SUCLA2: variants seen among roughly 807,000 people sequenced by gnomAD.
The protein encoded by SUCLA2 is succinate--CoA ligase [ADP-forming] subunit beta, mitochondrial.
Under a neutral mutation model 54.8 loss-of-function variants are expected in SUCLA2, and 30 were observed. That is an observed-to-expected ratio of 0.55 (90% CI 0.41 to 0.74). SUCLA2 has a LOEUF of 0.74. Ranked by LOEUF, SUCLA2 falls within the 30% of genes least tolerant of loss-of-function variation. The probability of loss-of-function intolerance (pLI) is 0.00; values close to 1 mark genes in which losing one functional copy is unlikely to be tolerated. For synonymous variants in SUCLA2, 172 were observed against 188.9 expected, an observed-to-expected ratio of 0.91 and a Z score of 0.74; for missense variants, 476 against 562.9, an observed-to-expected ratio of 0.85 and a Z score of 1.56.
In SUCLA2 at chr13:47,965,765, T is replaced by C. The variant is rs566861151; in HGVS notation, c.802+2830A>G. 5.3e-5 allele frequency: 21 copies of C among 393,518 alleles called. No individual in the cohort carries two copies. The South Asian group carries it at 2.5e-3, about 47-fold the overall frequency. 24.4% of individuals were successfully genotyped at this position (393,518 alleles called of 1,614,324 possible). ...TTTTAATAAATGTAGTCAGGTTATA[T>C]AAGAGAACGTTCTTGGCTTGCGCCT... On this transcript the variant is annotated intron_variant, in intron 6 of 10. Coordinates refer to ENST00000646932, the MANE Select transcript of SUCLA2 (RefSeq NM_003850.3).
intron 6 of SUCLA2, among the ~76,000 whole-genome samples, chr13:47,956,441 GA>G (rs1949822121): frequency 6.6e-6 from 1 of 152,056 alleles, no homozygotes; most frequent in Non-Finnish European, 1.5e-5. Context: ...GAAACTGGAA[GA>G]AAAGGAGAAT....
At chr13:47,957,915 G>T (rs1301916815) in intron 6 of SUCLA2, among the ~76,000 whole-genome samples, 1 of 152,170 alleles carries the variant, frequency 6.6e-6, no homozygotes, top group African/African-American at 2.4e-5. Context: ...GTTTGTTGCT[G>T]TAGCAGCTGG....
intron 10 of SUCLA2, 138 bp downstream of exon 10, chr13:47,948,802 A>G (rs902081221): frequency 2.1e-5 from 18 of 849,086 alleles, no homozygotes; most frequent in Non-Finnish European, 3.4e-5. Flanking sequence ...AGCAAGAGTC[A>G]TGAATAATCG....
chr13:47,956,709 C>A (rs1193352494), intron 6 of SUCLA2: 1 of 152,126 alleles, frequency 6.6e-6, no homozygotes, highest in Non-Finnish European at 1.5e-5. Flanking sequence ...CAGGAAATGT[C>A]TGGAGGCATT....
At position 47,988,260 on chromosome 13, in the gene SUCLA2, G is replaced by A. The variant is rs1473347465; in HGVS notation, c.534+281C>T. 7 of 497,622 alleles carry A rather than the reference G, an allele frequency of 1.4e-5. No homozygotes were observed. The East Asian group carries it at 2.3e-4, about 16-fold the overall frequency. The allele number at this position is 497,622 out of a possible 1,614,324, so 30.8% of individuals were successfully genotyped here. A position where few individuals can be genotyped will look rare whatever the true frequency, so the allele number is the denominator to read the frequency against. ...TTTCTCAATCTGGAGATGATCCAGA[G>A]ATGATTTAAGCTGCTTTTAGTGAAT... On this transcript the variant is annotated intron_variant, in intron 4 of 10. Transcript: ENST00000646932.
At chr13:47,955,056 C>T (rs747662964) in intron 6 of SUCLA2, among the ~76,000 whole-genome samples, 1 of 151,938 alleles carries the variant, frequency 6.6e-6, no homozygotes, top group Non-Finnish European at 1.5e-5. Flanking sequence ...AATCTTTTAA[C>T]TCCTATCTCC....
chr13:47,990,156 T>C (rs1351960237), intron 2 of SUCLA2, among the ~76,000 whole-genome samples: 1 of 152,158 alleles, frequency 6.6e-6, no homozygotes, highest in Non-Finnish European at 1.5e-5. Context: ...GAGACCAGAC[T>C]AGCCAATATG....
intron 2 of SUCLA2, 47 bp from the exon 3 acceptor site, chr13:47,989,028 C>CTT: frequency 6.5e-7 from 1 of 1,542,492 alleles, no homozygotes; most frequent in Non-Finnish European, 8.9e-7. Flanking sequence ...GAGCAGCATG[C>CTT]CAGACATAGT....
chr13:47,955,451 C>T (rs888531212), intron 6 of SUCLA2, among the ~76,000 whole-genome samples: 15 of 152,148 alleles, frequency 9.9e-5, no homozygotes, highest in Admixed American at 6.5e-5. Flanking sequence ...ATCCACCCGC[C>T]TCAGCCTCTC....
At chr13:47,959,760 CTAAT>C in intron 6 of SUCLA2, among the ~76,000 whole-genome samples, 1 of 152,134 alleles carries the variant, frequency 6.6e-6, no homozygotes, top group Non-Finnish European at 1.5e-5. Context: ...AGAAATTTGG[CTAAT>C]TAACATTTCA....
At chr13:47,943,495 C>T (rs779021324) in intron 10 of SUCLA2, 50 bp from the exon 11 acceptor site, 2 of 1,559,132 alleles carry the variant, frequency 1.3e-6, no homozygotes, top group Non-Finnish European at 1.8e-6. Flanking sequence ...TTCAGAACTA[C>T]AGGTCAGTGC....
intron 3 of SUCLA2, 79 bp from the exon 4 acceptor site, chr13:47,988,782 T>C: frequency 6.3e-7 from 1 of 1,592,474 alleles, no homozygotes; most frequent in Non-Finnish European, 8.6e-7. Flanking sequence ...CAAAATTTTA[T>C]CTCATCTAAT....
intron 1 of SUCLA2, among the ~76,000 whole-genome samples, chr13:47,997,919 C>G (rs1649635805): frequency 2.0e-5 from 3 of 152,162 alleles, no homozygotes; most frequent in Admixed American, 2.0e-4. Context: ...AATCTCTGGA[C>G]TGGGCCCAAG....
intron 6 of SUCLA2, among the ~76,000 whole-genome samples, chr13:47,963,192 T>C (rs1208797868): frequency 6.6e-6 from 1 of 152,182 alleles, no homozygotes; most frequent in African/African-American, 2.4e-5. Flanking sequence ...CCTGGTGTTT[T>C]GGTAACGAAA....
intron 2 of SUCLA2, chr13:47,994,828 C>T (rs1401483917): frequency 9.1e-6 from 9 of 985,138 alleles, no homozygotes; most frequent in Non-Finnish European, 9.6e-6. Flanking sequence ...GAGTTCTGGT[C>T]CCAGAGAACT....
At chr13:47,961,914 T>C (rs1229409582) in intron 6 of SUCLA2, among the ~76,000 whole-genome samples, 3 of 152,226 alleles carry the variant, frequency 2.0e-5, no homozygotes, top group Admixed American at 2.0e-4. Flanking sequence ...TTTGGAGGAG[T>C]TCATGAAAAG....
chr13:47,964,805 T>C lies in SUCLA2; in HGVS notation c.802+3790A>G, dbSNP rs533604322. Among the ~76,000 whole-genome samples, 14 of 151,948 alleles carry C rather than the reference T, an allele frequency of 9.2e-5. No individual in the cohort carries two copies. In the East Asian group the frequency reaches 1.6e-3, roughly 17 times the overall value. ...CTGGGAGGCGGAGCTTGCAGTGAGCTGAGATCGTGCCACTGCACTCCAGCC... is the reference window on the plus strand; with the variant it reads ...CTGGGAGGCGGAGCTTGCAGTGAGCCGAGATCGTGCCACTGCACTCCAGCC... On this transcript the variant is annotated intron_variant, in intron 6 of 10. Transcript: ENST00000646932.
chr13:47,993,727 C>T (rs1430217281), intron 2 of SUCLA2, among the ~76,000 whole-genome samples: 1 of 152,112 alleles, frequency 6.6e-6, no homozygotes, highest in African/African-American at 2.4e-5. Context: ...TTGAGCAAAG[C>T]GCTGAGTTAA....
chr13:47,962,063 T>C (rs1414614364), intron 6 of SUCLA2, among the ~76,000 whole-genome samples: 2 of 152,218 alleles, frequency 1.3e-5, no homozygotes, highest in Non-Finnish European at 2.9e-5. Context: ...GTTCATTGCA[T>C]GGACTGAAAT....
Sources: allele counts gnomAD v4.1 joint callset (sites outside exome capture counted in the v4.1 genomes callset), GRCh38; gene constraint gnomAD v4.1.1; transcripts MANE v1.5; gene names NCBI Gene and HGNC (gene_info 2026-07-23, HGNC 2026-07-21).